Variants in PIBF1 observed in about 807,000 individuals in gnomAD.
PIBF1 encodes progesterone immunomodulatory binding factor 1.
A neutral mutation model predicts 112.5 loss-of-function variants in PIBF1; 90 were observed. The observed-to-expected ratio is 0.80, with a 90% CI of 0.67 to 0.95. The LOEUF (loss-of-function observed/expected upper bound fraction) is 0.95. Ranked by LOEUF, PIBF1 falls within the 40% of genes least tolerant of loss-of-function variation. PIBF1 has a pLI of 0.00. For synonymous variants in PIBF1, 301 were observed against 288.6 expected, an observed-to-expected ratio of 1.04 and a Z score of -0.44; for missense variants, 915 against 852.3, an observed-to-expected ratio of 1.07 and a Z score of -0.92.
chr13:73,012,606 T>G (rs937569969), intron 17 of PIBF1, among the ~76,000 whole-genome samples: 6 of 150,802 alleles, frequency 4.0e-5, no homozygotes, highest in African/African-American at 1.5e-4. Context: ...AAAAAAACAC[T>G]TAGCCAGGCA....
At chr13:73,007,545 C>T (rs1221067668) in intron 17 of PIBF1, among the ~76,000 whole-genome samples, 1 of 152,188 alleles carries the variant, frequency 6.6e-6, no homozygotes, top group African/African-American at 2.4e-5. Context: ...CGCAGTGGCT[C>T]ACGCCTGTAA....
chr13:72,981,031 G>A (rs1290282393), intron 16 of PIBF1, among the ~76,000 whole-genome samples: 1 of 151,760 alleles, frequency 6.6e-6, no homozygotes, highest in East Asian at 2.0e-4. Flanking sequence ...GATCCCTTGA[G>A]GCCAGGAGTT....
chr13:72,915,984 A>G (rs567280405), intron 12 of PIBF1, among the ~76,000 whole-genome samples: 48 of 152,180 alleles, frequency 3.2e-4, no homozygotes, highest in Non-Finnish European at 6.3e-4. Flanking sequence ...CTGGTGATAA[A>G]TAATATTATG....
chr13:72,787,094 T>C lies in PIBF1; in HGVS notation c.252+3373T>C, dbSNP rs991476363. Among the ~76,000 whole-genome samples the C allele has an allele frequency of 3.3e-5, 5 of 152,334 alleles. No homozygotes were observed. The South Asian group carries it at 8.3e-4, about 25-fold the overall frequency. Reference sequence around the variant, plus strand: ...TAAAGAATATGTATATGTATGTTAATGTGTGTATGTGTGTATATATATGTT... The same window carrying C: ...TAAAGAATATGTATATGTATGTTAACGTGTGTATGTGTGTATATATATGTT... On this transcript the variant is annotated intron_variant, in intron 2 of 17. Transcript: ENST00000326291.
intron 5 of PIBF1, among the ~76,000 whole-genome samples, chr13:72,813,462 A>G (rs1190709247): frequency 6.6e-6 from 1 of 152,188 alleles, no homozygotes; most frequent in Non-Finnish European, 1.5e-5. Flanking sequence ...TATTTGTCAC[A>G]GCTCTGAAGG....
At chr13:72,880,040 T>G (rs2039561231) in intron 10 of PIBF1, among the ~76,000 whole-genome samples, 1 of 152,194 alleles carries the variant, frequency 6.6e-6, no homozygotes, top group African/African-American at 2.4e-5. Context: ...GCAGCATCAG[T>G]TAAGCAGCAG....
Position 72,985,017 on chromosome 13 carries a change from C to T in PIBF1, c.2049+11342C>T, listed in dbSNP as rs78179761. Among the ~76,000 whole-genome samples, 18 of 152,024 alleles carry T rather than the reference C, an allele frequency of 1.2e-4. No individual in the cohort carries two copies. The East Asian group carries it at 2.3e-3, about 20-fold the overall frequency. ...ATTTTAGAAGCTTGTGATATGTTTT[C>T]GGTTAAATTAAAAGTACATTTCTCT... On this transcript the variant is annotated intron_variant, in intron 16 of 17. Coordinates refer to ENST00000326291, the MANE Select transcript of PIBF1 (RefSeq NM_006346.4).
chr13:72,961,103 AT>A (rs2042593230), intron 14 of PIBF1, among the ~76,000 whole-genome samples: 1 of 150,898 alleles, frequency 6.6e-6, no homozygotes, highest in Non-Finnish European at 1.5e-5. Context: ...CTATCAGAAA[AT>A]TTCCTGTACA....
intron 10 of PIBF1, among the ~76,000 whole-genome samples, chr13:72,867,046 G>A (rs966523458): frequency 2.6e-5 from 4 of 152,278 alleles, no homozygotes; most frequent in Admixed American, 6.5e-5. Context: ...TATGGTTTGG[G>A]TCTGTGTCCC....
chr13:72,958,112 C>G (rs1447186353), intron 14 of PIBF1, among the ~76,000 whole-genome samples: 1 of 151,480 alleles, frequency 6.6e-6, no homozygotes, highest in Non-Finnish European at 1.5e-5. Context: ...AGAGTAAGAC[C>G]TTGCCTCTTA....
chr13:72,904,802 A>G (rs2040634352), intron 11 of PIBF1, among the ~76,000 whole-genome samples: 2 of 151,872 alleles, frequency 1.3e-5, no homozygotes, highest in South Asian at 4.2e-4. Context: ...TAGAAAATAC[A>G]CTTATAATAC....
chr13:72,867,918 T>C (rs75848308), intron 10 of PIBF1, among the ~76,000 whole-genome samples: 3,344 of 152,328 alleles, frequency 0.022, 137 homozygotes, highest in African/African-American at 0.076. Context: ...TTGGCTAGAT[T>C]ATTCATAGAT....
At chr13:72,911,566 T>C (rs553031003) in intron 12 of PIBF1, among the ~76,000 whole-genome samples, 1 of 147,448 alleles carries the variant, frequency 6.8e-6, no homozygotes, top group East Asian at 1.9e-4. Context: ...ATTAAGACTT[T>C]TTTTGACATG....
intron 16 of PIBF1, among the ~76,000 whole-genome samples, chr13:72,974,805 G>A (rs1364753953): frequency 6.6e-6 from 1 of 152,072 alleles, no homozygotes; most frequent in Non-Finnish European, 1.5e-5. Flanking sequence ...CATTTCTCTT[G>A]GGTAAATACC....
intron 14 of PIBF1, among the ~76,000 whole-genome samples, chr13:72,935,609 GAAA>G (rs2041847301): frequency 6.6e-6 from 1 of 152,172 alleles, no homozygotes; most frequent in African/African-American, 2.4e-5. Context: ...GACATCTTAA[GAAA>G]CTGCTAAACT....
intron 9 of PIBF1, chr13:72,836,098 C>CA (rs11382594): frequency 0.3 from 111,347 of 365,604 alleles, 9,418 homozygotes; most frequent in African/African-American, 0.56. Flanking sequence ...GACACCATCT[C>CA]AAAAAAAAAA....
In PIBF1 at chr13:72,902,959, A is replaced by C. The variant is rs1414004307; in HGVS notation, c.1489-5572A>C. On this transcript the variant is annotated intron_variant, in intron 11 of 17. Transcript: ENST00000326291. Reference sequence around the variant, plus strand: ...CTCCCAGGCTGGAATGCAGTGTCACAATCTCGGCTCACTGCGACCTCTGCT... The same window carrying C: ...CTCCCAGGCTGGAATGCAGTGTCACCATCTCGGCTCACTGCGACCTCTGCT... Among the ~76,000 whole-genome samples the C allele has an allele frequency of 2.0e-5, 3 of 151,784 alleles. No homozygotes were observed. The East Asian group carries it at 5.8e-4, about 29-fold the overall frequency.
At chr13:72,980,258 G>A (rs1163383931) in intron 16 of PIBF1, among the ~76,000 whole-genome samples, 1 of 152,074 alleles carries the variant, frequency 6.6e-6, no homozygotes, top group African/African-American at 2.4e-5. Context: ...TATAGAGTAA[G>A]AACAGAAAAA....
intron 11 of PIBF1, among the ~76,000 whole-genome samples, chr13:72,905,653 G>C (rs2040676833): frequency 6.6e-6 from 1 of 152,098 alleles, no homozygotes; most frequent in Non-Finnish European, 1.5e-5. Flanking sequence ...TGTTGCAGGT[G>C]ATTCTCCCAC....
Sources: allele counts gnomAD v4.1 joint callset (sites outside exome capture counted in the v4.1 genomes callset), GRCh38; gene constraint gnomAD v4.1.1; transcripts MANE v1.5; gene names NCBI Gene and HGNC (gene_info 2026-07-23, HGNC 2026-07-21).